CSTPP1: variants seen among roughly 807,000 people sequenced by gnomAD.
CSTPP1 encodes centriolar satellite-associated tubulin polyglutamylase complex regulator 1.
At chr11:47,031,795 T>C in the CSTPP1 span, among the ~76,000 whole-genome samples, 2 of 150,470 alleles carry the variant, frequency 1.3e-5, no homozygotes, top group Non-Finnish European at 2.9e-5. Flanking sequence ...ACTAATGGAA[T>C]AGATTTATAT....
chr11:47,144,027 T>A, the CSTPP1 span, among the ~76,000 whole-genome samples: 1 of 152,184 alleles, frequency 6.6e-6, no homozygotes, highest in Non-Finnish European at 1.5e-5. Flanking sequence ...CCCCATTAAC[T>A]GGATGACCTT....
the CSTPP1 span, among the ~76,000 whole-genome samples, chr11:47,073,915 G>A: frequency 6.6e-6 from 1 of 152,162 alleles, no homozygotes. Flanking sequence ...GAGGGTAGAA[G>A]ATTTCAGTAC....
At chr11:47,156,396 G>A in the CSTPP1 span, among the ~76,000 whole-genome samples, 657 of 152,258 alleles carry the variant, frequency 4.3e-3, 3 homozygotes, top group Non-Finnish European at 7.1e-3. Context: ...GACGAGATGG[G>A]CCATAAGTCA....
At chr11:47,116,695 T>TA in the CSTPP1 span, among the ~76,000 whole-genome samples, 2 of 145,658 alleles carry the variant, frequency 1.4e-5, no homozygotes, top group Admixed American at 1.4e-4. Context: ...TTTTTTTTTT[T>TA]TTGAGACGGA....
chr11:46,949,714 C>CT, the CSTPP1 span, among the ~76,000 whole-genome samples: 1 of 149,522 alleles, frequency 6.7e-6, no homozygotes, highest in South Asian at 2.1e-4. Flanking sequence ...ATCACCCAGG[C>CT]TGGAGTGCAA....
the CSTPP1 span, among the ~76,000 whole-genome samples, chr11:47,104,186 C>T: frequency 6.6e-6 from 1 of 152,146 alleles, no homozygotes; most frequent in Admixed American, 6.5e-5. Flanking sequence ...TAAAGAAATC[C>T]ACCCCAATTC....
At chr11:46,962,467 C>G in the CSTPP1 span, among the ~76,000 whole-genome samples, 1 of 152,088 alleles carries the variant, frequency 6.6e-6, no homozygotes, top group Admixed American at 6.6e-5. Flanking sequence ...AGTTTCTCTC[C>G]AAAAAGCCAG....
chr11:47,106,538 G>T, the CSTPP1 span, among the ~76,000 whole-genome samples: 2 of 151,998 alleles, frequency 1.3e-5, no homozygotes, highest in Admixed American at 6.5e-5. Context: ...AGGTACACGG[G>T]AAGCTGAGAC....
chr11:47,161,025 G>A, the CSTPP1 span: 2 of 1,479,284 alleles, frequency 1.4e-6, no homozygotes, highest in Non-Finnish European at 1.9e-6. Flanking sequence ...GCCCTCGCAG[G>A]GTCAGCAGAA....
At chr11:47,006,590 C>G in the CSTPP1 span, among the ~76,000 whole-genome samples, 1 of 144,120 alleles carries the variant, frequency 6.9e-6, no homozygotes, top group Non-Finnish European at 1.5e-5. Context: ...GTCTCTGTCT[C>G]TTTTTTTTTT....
At chr11:47,140,242 T>A in the CSTPP1 span, among the ~76,000 whole-genome samples, 6 of 152,102 alleles carry the variant, frequency 3.9e-5, no homozygotes, top group Admixed American at 2.6e-4. Flanking sequence ...GCAGTTCAGG[T>A]TTTATAATTT....
the CSTPP1 span, among the ~76,000 whole-genome samples, chr11:47,006,271 G>A: frequency 6.6e-6 from 1 of 152,030 alleles, no homozygotes; most frequent in African/African-American, 2.4e-5. Flanking sequence ...TAAATTCTAG[G>A]TTGGCAGCTG....
chr11:47,013,674 T>C, the CSTPP1 span, among the ~76,000 whole-genome samples: 1 of 152,222 alleles, frequency 6.6e-6, no homozygotes, highest in African/African-American at 2.4e-5. Flanking sequence ...GTTGATTCTA[T>C]GTCTTTGCTA....
the CSTPP1 span, among the ~76,000 whole-genome samples, chr11:47,100,752 T>G: frequency 2.6e-5 from 4 of 152,206 alleles, no homozygotes; most frequent in Non-Finnish European, 5.9e-5. Flanking sequence ...ATTGTGCCAC[T>G]GTACTCCAGC....
the CSTPP1 span, among the ~76,000 whole-genome samples, chr11:47,117,893 T>C: frequency 7.0e-6 from 1 of 143,830 alleles, no homozygotes; most frequent in East Asian, 2.0e-4. Context: ...TTTTTTTTTT[T>C]TTTTTTGAGA....
At chr11:47,126,010 C>G in the CSTPP1 span, among the ~76,000 whole-genome samples, 4 of 148,278 alleles carry the variant, frequency 2.7e-5, no homozygotes, top group African/African-American at 7.5e-5. Flanking sequence ...GAGCAAGACT[C>G]TGTCTCAAAA....
the CSTPP1 span, among the ~76,000 whole-genome samples, chr11:47,016,839 C>CTTTTT: frequency 1.2e-4 from 12 of 99,842 alleles, no homozygotes; most frequent in Non-Finnish European, 1.5e-4. Flanking sequence ...TCATTTAGTA[C>CTTTTT]TTTTTTTTTT....
the CSTPP1 span, among the ~76,000 whole-genome samples, chr11:47,140,433 TTTTC>T: frequency 6.6e-6 from 1 of 152,152 alleles, no homozygotes; most frequent in Non-Finnish European, 1.5e-5. Context: ...TGTTTGTTTG[TTTTC>T]TTTGAGACAG....
the CSTPP1 span, among the ~76,000 whole-genome samples, chr11:47,048,387 C>T: frequency 3.3e-5 from 5 of 152,012 alleles, no homozygotes; most frequent in East Asian, 5.8e-4. Flanking sequence ...TGGGAAGGTA[C>T]GGTTGAAGGA....
Sources: allele counts gnomAD v4.1 joint callset (sites outside exome capture counted in the v4.1 genomes callset), GRCh38; gene constraint gnomAD v4.1.1; transcripts MANE v1.5; gene names NCBI Gene and HGNC (gene_info 2026-07-23, HGNC 2026-07-21).